The following TP73 variants were observed in gnomAD, a reference collection of about 807,000 sequenced individuals.
TP73 encodes the protein tumor protein p73.
Under a neutral mutation model 62.5 loss-of-function variants are expected in TP73, and 25 were observed. That is an observed-to-expected ratio of 0.40 (90% CI 0.29 to 0.56). The LOEUF (loss-of-function observed/expected upper bound fraction) is 0.56, where lower values mean the gene tolerates loss of function less well. Among genes scored for constraint, TP73 ranks in the 20% least tolerant of loss-of-function variants. The pLI is 0.46. For missense variants in TP73, 754 were observed against 913.3 expected, an observed-to-expected ratio of 0.83 and a Z score of 2.25; for synonymous variants, 423 against 377.5, an observed-to-expected ratio of 1.12 and a Z score of -1.40.
chr1:3,687,777 G>A (rs369146443), intron 3 of TP73, among the ~76,000 whole-genome samples: 60 of 152,152 alleles, frequency 3.9e-4, no homozygotes, highest in African/African-American at 1.3e-3. Flanking sequence ...CTCTCCTGGC[G>A]CCTTTCTCTG....
At chr1:3,659,829 A>AG (rs1557480589) in intron 1 of TP73, among the ~76,000 whole-genome samples, 1 of 151,754 alleles carries the variant, frequency 6.6e-6, no homozygotes, top group African/African-American at 2.4e-5. Flanking sequence ...ATGCACCACC[A>AG]CTAATTTTTG....
chr1:3,658,098 C>G (rs1644905252), intron 1 of TP73, among the ~76,000 whole-genome samples: 3 of 152,154 alleles, frequency 2.0e-5, no homozygotes, highest in Admixed American at 6.5e-5. Flanking sequence ...CCTGGAGAGA[C>G]CAGGTGGCAG....
At chr1:3,707,225 G>A (rs755848714) in intron 3 of TP73, among the ~76,000 whole-genome samples, 8 of 152,276 alleles carry the variant, frequency 5.3e-5, no homozygotes, top group East Asian at 3.9e-4. Flanking sequence ...AGTGAAGCCC[G>A]TGTGGGCATC....
intron 1 of TP73, among the ~76,000 whole-genome samples, chr1:3,664,283 G>A (rs1645063765): frequency 1.3e-5 from 2 of 152,196 alleles, no homozygotes; most frequent in Non-Finnish European, 2.9e-5. Flanking sequence ...GGACCCACCT[G>A]TTTCCCTGCC....
intron 3 of TP73, among the ~76,000 whole-genome samples, chr1:3,706,761 G>C (rs12564843): frequency 0.8 from 121,906 of 151,940 alleles, 50,966 homozygotes; most frequent in Non-Finnish European, 0.94. Context: ...GTCCCGGGGC[G>C]CCACAGACGG....
In TP73 at chr1:3,722,013, C is replaced by A; in HGVS notation, c.430-8C>A. The A allele has an allele frequency of 6.3e-7, 1 of 1,597,972 alleles. No individual in the cohort carries two copies. On this transcript the variant is annotated splice_polypyrimidine_tract_variant and splice_region_variant and intron_variant, in intron 4 of 13. Coordinates refer to ENST00000378295, the MANE Select transcript of TP73 (RefSeq NM_005427.4). Reference sequence around the variant, plus strand: ...CTGGTCTCACCCGCTCCCTCTCCCCCACTCCAGTACTCCCCGCTCTTGAAG... The same window carrying A: ...CTGGTCTCACCCGCTCCCTCTCCCCAACTCCAGTACTCCCCGCTCTTGAAG...
Position 3,661,733 on chromosome 1 carries a change from T to C in TP73, c.-34+9092T>C, listed in dbSNP as rs969451976. ...CACATGTATTTTGTGTATATATATATATATATAATATGTATTACATATATA... is the reference window on the plus strand; with the variant it reads ...CACATGTATTTTGTGTATATATATACATATATAATATGTATTACATATATA... On this transcript the variant is annotated intron_variant, in intron 1 of 13. Coordinates refer to ENST00000378295, the MANE Select transcript of TP73 (RefSeq NM_005427.4). 2.0e-5 allele frequency among the ~76,000 whole-genome samples: 3 copies of C among 147,226 alleles called. No homozygotes were observed. The East Asian group carries it at 5.8e-4, about 29-fold the overall frequency.
intron 6 of TP73, among the ~76,000 whole-genome samples, chr1:3,725,672 GGATA>G (rs1044371264): frequency 7.4e-6 from 1 of 135,960 alleles, no homozygotes; most frequent in Non-Finnish European, 1.6e-5. Context: ...ATGGATGGAT[GGATA>G]GACTGATATT....
At chr1:3,729,255 C>T (rs1444346493) in intron 9 of TP73, 72 bp from the exon 10 acceptor site, 5 of 1,598,342 alleles carry the variant, frequency 3.1e-6, no homozygotes, top group Non-Finnish European at 4.3e-6. Flanking sequence ...CCAGGTCCTC[C>T]TGAGGCTGCG....
intron 4 of TP73, among the ~76,000 whole-genome samples, chr1:3,713,151 G>A (rs1433969294): frequency 6.6e-6 from 1 of 152,222 alleles, no homozygotes; most frequent in African/African-American, 2.4e-5. Context: ...GAATCAAACT[G>A]GGACTGGGGG....
rs538874513 is a variant in TP73 at position 3,730,017 on chromosome 1, C to G, written c.1214C>G (p.Pro405Arg). Reference protein sequence around the residue: ...LLQRPSHLQPPSYGPVLSPMN... With the variant: ...LLQRPSHLQPRSYGPVLSPMN... ...CTGAGCAGGAGTCACCTACAGCCCCCGTCCTACGGGCCGGTCCTCTCGCCC... is the reference window on the plus strand; with the variant it reads ...CTGAGCAGGAGTCACCTACAGCCCCGGTCCTACGGGCCGGTCCTCTCGCCC... The change falls in exon 11 of 14, where the codon CCG (proline) becomes CGG (arginine). Residue 405 changes from proline to arginine, a missense_variant. By Grantham distance (103) the Pro-to-Arg change is moderately radical. Coordinates refer to ENST00000378295, the MANE Select transcript of TP73 (RefSeq NM_005427.4). 7.5e-6 allele frequency: 12 copies of G among 1,605,040 alleles called. No homozygotes were observed. In the East Asian group the frequency reaches 2.7e-4, roughly 36 times the overall value.
At chr1:3,653,218 A>T (rs1475699970) in intron 1 of TP73, among the ~76,000 whole-genome samples, 1 of 152,220 alleles carries the variant, frequency 6.6e-6, no homozygotes, top group Non-Finnish European at 1.5e-5. Flanking sequence ...CCCGAGGGAC[A>T]GCTCCCTGTG....
rs564932184 is a variant in TP73, at chr1:3,728,169, C to T, written c.1026C>T (p.Ala342=). 2.9e-5 allele frequency: 46 copies of T among 1,611,856 alleles called. No homozygotes were observed. The highest frequency in any genetic ancestry group is 8.9e-5 in the East Asian group (4 of 44,886). ...CCCCTGCCGTCCCCGCCCTTGGTGC[C>T]GGTGTGAAGAAGCGGCGGCATGGAG... The part of the protein sequence containing the change: ...QSPPAVPALG[A]GVKKRRHGDE... Residue 342 remains alanine (A), a synonymous_variant, in exon 9 of 14, where the codon GCC becomes GCT. Coordinates refer to ENST00000378295, the MANE Select transcript of TP73 (RefSeq NM_005427.4).
At chr1:3,657,073 C>T (rs2101997343) in intron 1 of TP73, among the ~76,000 whole-genome samples, 1 of 152,328 alleles carries the variant, frequency 6.6e-6, no homozygotes, top group Non-Finnish European at 1.5e-5. Flanking sequence ...ATGATCACCT[C>T]CCAGTTTTGC....
intron 4 of TP73, among the ~76,000 whole-genome samples, chr1:3,718,973 A>C (rs1227163811): frequency 1.3e-5 from 2 of 152,142 alleles, no homozygotes; most frequent in Non-Finnish European, 2.9e-5. Flanking sequence ...ACACGCAGTG[A>C]GTCAGAGATG....
chr1:3,690,788 C>A, intron 3 of TP73: 1 of 1,520,310 alleles, frequency 6.6e-7, no homozygotes, highest in Non-Finnish European at 8.8e-7. Context: ...GCCTCTCCCG[C>A]TCGGTCCACG....
At chr1:3,715,635 C>T (rs991765868) in intron 4 of TP73, among the ~76,000 whole-genome samples, 1 of 152,160 alleles carries the variant, frequency 6.6e-6, no homozygotes, top group Non-Finnish European at 1.5e-5. Flanking sequence ...CCCAGGTGCC[C>T]CATTCCCTGG....
rs978195018 is a variant in TP73, at chr1:3,732,610, C to A, written c.1579-137C>A. ...GGAGTGACTCTGGTGGGCTCTCCCC[C>A]TCCCCCGTCTCCTGCCTACTCTGGT... On this transcript the variant is annotated intron_variant, in intron 13 of 13. Transcript: ENST00000378295. The A allele has an allele frequency of 9.2e-6, 7 of 759,468 alleles. No individual in the cohort carries two copies. The East Asian group carries it at 1.1e-4, about 12-fold the overall frequency. The allele number at this position is 759,468 out of a possible 1,614,324, so 47.0% of individuals were successfully genotyped here.
At chr1:3,679,955 GTC>G (rs1174685826) in intron 1 of TP73, among the ~76,000 whole-genome samples, 11 of 140,466 alleles carry the variant, frequency 7.8e-5, no homozygotes, top group Non-Finnish European at 1.1e-4. Context: ...GTCTCTCTTT[GTC>G]TCTCTCTTTG....
Sources: gnomAD v4.1 joint callset for allele counts (sites outside exome capture counted in the v4.1 genomes callset) on GRCh38, gnomAD v4.1.1 for gene constraint, MANE v1.5 for transcripts, NCBI Gene and HGNC (gene_info 2026-07-23, HGNC 2026-07-21) for gene names.